Variants in GRID2 observed in about 807,000 individuals in gnomAD.
GRID2 encodes the protein glutamate receptor ionotropic, delta-2.
Under a neutral mutation model 114.8 loss-of-function variants are expected in GRID2, and 33 were observed. The observed-to-expected ratio is 0.29, with a 90% CI of 0.22 to 0.38. The LOEUF is 0.38. GRID2 is among the 10% of genes least tolerant of loss of function. The pLI is 1.00. For synonymous variants in GRID2, 505 were observed against 449.9 expected (o/e 1.12, Z -1.55); for missense variants, 1,184 against 1,257.7 (o/e 0.94, Z 0.89).
chr4:92,929,797 T>G (rs1007652092), intron 2 of GRID2, among the ~76,000 whole-genome samples: 3 of 151,380 alleles, frequency 2.0e-5, no homozygotes, highest in African/African-American at 7.3e-5. Flanking sequence ...TTTTTCCATG[T>G]GTAAAATGAT....
At chr4:92,393,153 A>G (rs918432463) in intron 1 of GRID2, among the ~76,000 whole-genome samples, 6 of 152,144 alleles carry the variant, frequency 3.9e-5, no homozygotes, top group Non-Finnish European at 8.8e-5. Flanking sequence ...CTTTAAAATG[A>G]CTAGATCTAG....
At chr4:92,611,778 G>A (rs1729756237) in intron 2 of GRID2, among the ~76,000 whole-genome samples, 1 of 151,358 alleles carries the variant, frequency 6.6e-6, no homozygotes, top group African/African-American at 2.4e-5. Context: ...TCTTTTTACT[G>A]ACATCTGTGT....
chr4:92,974,256 A>C (rs1753709227), intron 2 of GRID2, among the ~76,000 whole-genome samples: 1 of 152,188 alleles, frequency 6.6e-6, no homozygotes, highest in Non-Finnish European at 1.5e-5. Context: ...AAATTAGTTC[A>C]ACCATTGTGG....
intron 2 of GRID2, among the ~76,000 whole-genome samples, chr4:92,851,809 C>T (rs1743824062): frequency 6.6e-6 from 1 of 151,858 alleles, no homozygotes; most frequent in South Asian, 2.1e-4. Context: ...AAGTTCCTGC[C>T]TACAGAGAAA....
intron 1 of GRID2, among the ~76,000 whole-genome samples, chr4:93,782,870 T>C (rs575643313): frequency 1.8e-4 from 26 of 148,396 alleles, no homozygotes; most frequent in Non-Finnish European, 2.8e-4. Context: ...AGCCTTGCTT[T>C]TAAAATATAA....
At chr4:93,656,164 A>T (rs1722972871) in intron 14 of GRID2, among the ~76,000 whole-genome samples, 2 of 151,934 alleles carry the variant, frequency 1.3e-5, no homozygotes, top group Admixed American at 6.6e-5. Flanking sequence ...CTAGGAGTCA[A>T]TTATTTTTTC....
intron 1 of GRID2, among the ~76,000 whole-genome samples, chr4:92,544,827 T>C (rs889842808): frequency 6.6e-6 from 1 of 152,202 alleles, no homozygotes; most frequent in Non-Finnish European, 1.5e-5. Flanking sequence ...CTTGACTTTA[T>C]TTCTAACAGA....
At chr4:92,596,234 ATTC>A (rs1439168842) in intron 2 of GRID2, among the ~76,000 whole-genome samples, 9 of 152,126 alleles carry the variant, frequency 5.9e-5, no homozygotes, top group East Asian at 3.9e-4. Flanking sequence ...TCATTCATTC[ATTC>A]ATTCATTCAT....
At chr4:92,572,560 A>G (rs1421853553) in intron 1 of GRID2, among the ~76,000 whole-genome samples, 1 of 152,162 alleles carries the variant, frequency 6.6e-6, no homozygotes, top group Non-Finnish European at 1.5e-5. Flanking sequence ...CCTGATACCA[A>G]AGCCTGGCAG....
chr4:93,109,414 G>A (rs1181335090), intron 3 of GRID2, among the ~76,000 whole-genome samples: 1 of 152,142 alleles, frequency 6.6e-6, no homozygotes, highest in Non-Finnish European at 1.5e-5. Context: ...AAGCAAAATT[G>A]TTGTTTTAGT....
At chr4:93,649,400 T>C (rs879505152) in intron 14 of GRID2, among the ~76,000 whole-genome samples, 13 of 152,230 alleles carry the variant, frequency 8.5e-5, no homozygotes, top group Non-Finnish European at 1.5e-5. Flanking sequence ...TATTTTTTTC[T>C]TTTATTAACA....
intron 4 of GRID2, among the ~76,000 whole-genome samples, chr4:93,154,662 G>A (rs967733977): frequency 6.6e-6 from 1 of 151,702 alleles, no homozygotes; most frequent in African/African-American, 2.4e-5. Flanking sequence ...AAACAAGGGG[G>A]TGTGGTTAAT....
chr4:93,430,882 G>A (rs960473415), intron 10 of GRID2, among the ~76,000 whole-genome samples: 2 of 152,168 alleles, frequency 1.3e-5, no homozygotes, highest in Admixed American at 6.5e-5. Flanking sequence ...AGTGAAGGAC[G>A]TCTACTGACA....
intron 1 of GRID2, among the ~76,000 whole-genome samples, chr4:93,785,355 G>T (rs1240957008): frequency 6.6e-6 from 1 of 152,152 alleles, no homozygotes; most frequent in Non-Finnish European, 1.5e-5. Context: ...AAGGTGATTT[G>T]CCACTCAGAC....
At chr4:92,712,529 G>C (rs898943283) in intron 2 of GRID2, among the ~76,000 whole-genome samples, 1 of 152,018 alleles carries the variant, frequency 6.6e-6, no homozygotes, top group African/African-American at 2.4e-5. Context: ...AATTCCAGTA[G>C]ATCAGCATTC....
chr4:93,051,597 G>A (rs1472613469), intron 2 of GRID2, among the ~76,000 whole-genome samples: 2 of 152,030 alleles, frequency 1.3e-5, no homozygotes, highest in Non-Finnish European at 2.9e-5. Context: ...GATCGCTGAA[G>A]AAGCTATTGA....
chr4:93,305,924 A>G (rs951246623), intron 8 of GRID2, among the ~76,000 whole-genome samples: 2 of 152,180 alleles, frequency 1.3e-5, no homozygotes, highest in Admixed American at 6.6e-5. Flanking sequence ...ATGTGATTCA[A>G]TGGCCAAATC....
intron 1 of GRID2, among the ~76,000 whole-genome samples, chr4:92,419,590 T>C (rs1731793774): frequency 6.6e-6 from 1 of 152,128 alleles, no homozygotes; most frequent in Non-Finnish European, 1.5e-5. Context: ...CAGGTTCAAG[T>C]GGGAAATAAC....
At chr4:93,423,263 CAG>C (rs1580037888) in intron 10 of GRID2, among the ~76,000 whole-genome samples, 1 of 150,162 alleles carries the variant, frequency 6.7e-6, no homozygotes, top group Admixed American at 6.7e-5. Context: ...ACCCCAAAAA[CAG>C]AAAGTGTATA....
Sources: gnomAD v4.1 joint callset for allele counts (sites outside exome capture counted in the v4.1 genomes callset) on GRCh38, gnomAD v4.1.1 for gene constraint, MANE v1.5 for transcripts, NCBI Gene and HGNC (gene_info 2026-07-23, HGNC 2026-07-21) for gene names.